Variants in MPP7 observed in about 807,000 individuals in gnomAD.
The protein encoded by MPP7 is MAGUK p55 subfamily member 7.
A neutral mutation model predicts 76.5 loss-of-function variants in MPP7; 60 were observed. That is an observed-to-expected ratio of 0.78 (90% CI 0.64 to 0.97). The LOEUF (loss-of-function observed/expected upper bound fraction) is 0.97, where lower values mean the gene tolerates loss of function less well. MPP7 is among the 50% of genes least tolerant of loss of function. The pLI, the probability that MPP7 is intolerant of heterozygous loss-of-function variation, is 0.00. For missense variants in MPP7, 641 were observed against 694.0 expected (o/e 0.92, Z 0.86); for synonymous variants, 237 against 244.5 (o/e 0.97, Z 0.29).
At chr10:28,220,949 T>G (rs1467636764) in intron 2 of MPP7, among the ~76,000 whole-genome samples, 1 of 152,148 alleles carries the variant, frequency 6.6e-6, no homozygotes, top group East Asian at 1.9e-4. Flanking sequence ...AAAAAGCATT[T>G]AAGTGAAAGG....
chr10:28,331,271 T>C (rs1202528246), intron 1 of MPP7, among the ~76,000 whole-genome samples: 4 of 152,188 alleles, frequency 2.6e-5, no homozygotes, highest in Non-Finnish European at 5.9e-5. Flanking sequence ...TTAACTTCCT[T>C]CTTCTCTTCC....
chr10:28,280,616 A>G (rs946680713), intron 1 of MPP7, among the ~76,000 whole-genome samples: 2 of 152,116 alleles, frequency 1.3e-5, no homozygotes, highest in Admixed American at 1.3e-4. Context: ...TTAGGCATAA[A>G]AAAAATGGTG....
At chr10:28,305,580 G>C (rs1269516737), upstream of MPP7, 1 of 152,210 alleles carries the variant, frequency 6.6e-6, no homozygotes, top group African/African-American at 2.4e-5. Flanking sequence ...GTACTATGGG[G>C]CCAAGGAGAC....
rs116129808 is a variant in MPP7, at chr10:28,110,883, T to C, written c.952+8768A>G. Among the ~76,000 whole-genome samples the C allele has an allele frequency of 3.9e-3, 593 of 152,284 alleles. 6 individuals carry two copies. The highest frequency in any genetic ancestry group is 0.014 in the African/African-American group (584 of 41,566). On this transcript the variant is annotated intron_variant, in intron 11 of 16. Transcript: ENST00000683449. ...ACTGACAGAATAAAAATATAATGTA[T>C]TATTTCAGATTACATTCTATATTTC... is the stretch of plus-strand genomic sequence containing the variant.
chr10:28,327,763 C>A (rs1834431854), intron 2 of MPP7, among the ~76,000 whole-genome samples: 1 of 152,182 alleles, frequency 6.6e-6, no homozygotes. Flanking sequence ...GGCTGCTCAG[C>A]ACACTAGCAG....
At chr10:28,083,529 CCTCT>C (rs1852862304) in intron 12 of MPP7, among the ~76,000 whole-genome samples, 1 of 136,080 alleles carries the variant, frequency 7.3e-6, no homozygotes, top group South Asian at 2.3e-4. Flanking sequence ...TGATTTTCTT[CCTCT>C]TTTTTTTTTT....
At chr10:28,194,790 G>C (rs528851405) in intron 3 of MPP7, among the ~76,000 whole-genome samples, 11 of 152,306 alleles carry the variant, frequency 7.2e-5, no homozygotes, top group East Asian at 5.8e-4. Context: ...AATAATAGAT[G>C]CAAGACATAA....
intron 1 of MPP7, among the ~76,000 whole-genome samples, chr10:28,294,694 T>A (rs970496344): frequency 9.2e-5 from 14 of 152,258 alleles, no homozygotes; most frequent in African/African-American, 3.4e-4. Flanking sequence ...GCTTCAATTG[T>A]ATAAGATGCA....
intron 5 of MPP7, among the ~76,000 whole-genome samples, chr10:28,136,011 C>T (rs1480727308): frequency 6.6e-6 from 1 of 152,060 alleles, no homozygotes; most frequent in Non-Finnish European, 1.5e-5. Flanking sequence ...GCTCTGCCTC[C>T]TGTCAGATCA....
chr10:28,093,888 T>C (rs1226910259), intron 11 of MPP7, among the ~76,000 whole-genome samples: 1 of 152,350 alleles, frequency 6.6e-6, no homozygotes, highest in Non-Finnish European at 1.5e-5. Flanking sequence ...TGTGCAAGGC[T>C]TGCTACAGAA....
chr10:28,124,208 T>A (rs1400741789), intron 7 of MPP7, 92 bp from the exon 8 acceptor site: 11 of 851,964 alleles, frequency 1.3e-5, no homozygotes, highest in Non-Finnish European at 2.2e-5. Flanking sequence ...ATTGTTAGGT[T>A]CCCTTAATAC....
intron 1 of MPP7, among the ~76,000 whole-genome samples, chr10:28,262,582 AGACATTTTT>A (rs1390053283): frequency 1.3e-5 from 2 of 152,148 alleles, no homozygotes; most frequent in Admixed American, 1.3e-4. Context: ...TGGAAGCCAC[AGACATTTTT>A]TAATCTGATG....
chr10:28,120,668 C>G lies in MPP7; in HGVS notation c.616G>C (p.Ala206Pro). The G allele has an allele frequency of 6.2e-7, 1 of 1,612,288 alleles. No individual in the cohort carries two copies. Among genetic ancestry groups the G allele is most frequent in the Non-Finnish European group, 8.5e-7 (1 of 1,178,748 alleles). The change falls in exon 9 of 17, where the codon GCT becomes CCT. Residue 206 changes from alanine to proline, a missense_variant and splice_region_variant. By Grantham distance (27) the Ala-to-Pro change is conservative. Coordinates refer to ENST00000683449, the MANE Select transcript of MPP7 (RefSeq NM_001318170.2). ...AATGTAATTGCTCCCTGAGACTGAG[C>G]CTGGTAACAGATAAAACAAGGAGTT... ...KRPEEIIQIL[A>P]QSQGAITFKI...
At chr10:28,076,033 C>T (rs1852468147) in intron 12 of MPP7, among the ~76,000 whole-genome samples, 1 of 152,030 alleles carries the variant, frequency 6.6e-6, no homozygotes, top group South Asian at 2.1e-4. Context: ...AAGTATTTGC[C>T]CCTAGAACGT....
chr10:28,149,756 G>A (rs1303257452), intron 4 of MPP7, among the ~76,000 whole-genome samples: 1 of 152,208 alleles, frequency 6.6e-6, no homozygotes, highest in Non-Finnish European at 1.5e-5. Flanking sequence ...AGTTACGAAA[G>A]CAGAACAAGA....
At chr10:28,164,119 C>T (rs1195033185) in intron 3 of MPP7, among the ~76,000 whole-genome samples, 2 of 151,764 alleles carry the variant, frequency 1.3e-5, no homozygotes, top group African/African-American at 4.8e-5. Context: ...AGATCGAGAC[C>T]GAAGACAAAG....
chr10:28,200,292 G>A (rs144371255), intron 3 of MPP7, among the ~76,000 whole-genome samples: 4 of 152,196 alleles, frequency 2.6e-5, no homozygotes, highest in African/African-American at 9.6e-5. Flanking sequence ...GTTGGGGGTG[G>A]GAGGAACTAT....
At chr10:28,235,095 C>T (rs1048907521) in intron 2 of MPP7, among the ~76,000 whole-genome samples, 4 of 152,172 alleles carry the variant, frequency 2.6e-5, no homozygotes, top group Non-Finnish European at 5.9e-5. Context: ...AGGTGTCAGC[C>T]ACTGTGCCTG....
At chr10:28,318,766 C>T (rs974406891) in intron 2 of MPP7, among the ~76,000 whole-genome samples, 9 of 152,144 alleles carry the variant, frequency 5.9e-5, no homozygotes, top group Non-Finnish European at 8.8e-5. Context: ...TTCTAGTTGT[C>T]GGATGATGGA....
Sources: allele counts gnomAD v4.1 joint callset (sites outside exome capture counted in the v4.1 genomes callset), GRCh38; gene constraint gnomAD v4.1.1; transcripts MANE v1.5; gene names NCBI Gene and HGNC (gene_info 2026-07-23, HGNC 2026-07-21).